Variants in ASIC4 observed in about 807,000 individuals in gnomAD.
ASIC4 encodes acid-sensing ion channel 4.
Under a neutral mutation model 53.4 loss-of-function variants are expected in ASIC4, and 28 were observed. The ratio of observed to expected loss-of-function variants is 0.52; its 90% CI spans 0.39 to 0.72. ASIC4 has a LOEUF of 0.72. ASIC4 is among the 30% of genes least tolerant of loss of function. ASIC4 has a pLI of 0.00. For missense variants in ASIC4, 649 were observed against 729.7 expected (o/e 0.89, Z 1.27); for synonymous variants, 289 against 301.4 (o/e 0.96, Z 0.43).
At chr2:219,523,658 C>A (rs1353393786) in intron 1 of ASIC4, among the ~76,000 whole-genome samples, 3 of 152,182 alleles carry the variant, frequency 2.0e-5, no homozygotes, top group Non-Finnish European at 4.4e-5. Flanking sequence ...TTTCCTGACC[C>A]TGCAAGCCAA....
Position 219,537,214 on chromosome 2 carries a change from CCTCT to C in ASIC4, c.1322-27_1322-24del, listed in dbSNP as rs1695154234. The C allele has an allele frequency of 1.2e-6, 2 of 1,611,452 alleles. No individual in the cohort carries two copies. The highest frequency in any genetic ancestry group is 1.7e-4 in the Middle Eastern group (1 of 6,058). On this transcript the variant is annotated intron_variant, in intron 7 of 9. Coordinates refer to ENST00000358078, the MANE Select transcript of ASIC4 (RefSeq NM_018674.6). The surrounding 1 kb of genome is among the most constrained non-coding windows in gnomAD (Gnocchi z 4.9). The stretch of plus-strand genomic sequence containing the variant: ...TGGGGGTGGATCGGCCCGGCCGCTC[CCTCT>C]GACACTGCTCTCCTGCTTCCCAGGA...
In ASIC4 at chr2:219,532,372, C is replaced by G. The variant is rs148895186; in HGVS notation, c.913C>G (p.Pro305Ala). ...CCGCGCAGAGAGTGAGCTCAGGGAG[C>G]CTGAGCTTCAGGGCTACTCGGCCTA... Reference protein sequence around the residue: ...NCRAESELREPELQGYSAYSV... With the variant: ...NCRAESELREAELQGYSAYSV... Residue 305 changes from proline to alanine, a missense_variant, in exon 4 of 10, where the codon CCT (proline) becomes GCT (alanine). By Grantham distance (27) the Pro-to-Ala change is conservative. Transcript: ENST00000358078. The G allele has an allele frequency of 2.7e-5, 44 of 1,613,912 alleles. No individual in the cohort carries two copies. Among genetic ancestry groups the G allele is most frequent in the Non-Finnish European group, 3.6e-5 (42 of 1,179,924 alleles).
chr2:219,514,312 A>T (rs1237948874), upstream of ASIC4: 7 of 1,511,466 alleles, frequency 4.6e-6, no homozygotes, highest in South Asian at 9.0e-5. Context: ...ACATGTCCTG[A>T]ATTATTAAGC....
rs369347834 is a variant in ASIC4, at chr2:219,537,025, AAG to A, written c.1230-36_1230-35del. ...GGATGCCCCTGCCAGCCTTCTCAGG[AAG>A]AGAGGCCCACACGGATACCCTGCTT... On this transcript the variant is annotated intron_variant, in intron 6 of 9. Transcript: ENST00000358078. This position sits in a 1 kb window ranked among gnomAD's most constrained non-coding sequence, Gnocchi z 4.9. The A allele has an allele frequency of 6.3e-7, 1 of 1,580,146 alleles. No homozygotes were observed.
chr2:219,515,010 C>A lies in ASIC4; in HGVS notation c.286C>A (p.Pro96Thr), dbSNP rs1396892882. Residue 96 changes from proline to threonine, a missense_variant, in exon 1 of 10, where the codon CCT (proline) becomes ACT (threonine). Coordinates refer to ENST00000358078, the MANE Select transcript of ASIC4 (RefSeq NM_018674.6). ...CCTGGCCCGGGGCTACCTGACCCGGCCTCACCTGGTGGCAATGGACCCCGC... is the reference window on the plus strand; with the variant it reads ...CCTGGCCCGGGGCTACCTGACCCGGACTCACCTGGTGGCAATGGACCCCGC... ...AGLARGYLTR[P>T]HLVAMDPAAP... is the part of the protein sequence containing the mutation. The A allele has an allele frequency of 6.2e-7, 1 of 1,613,328 alleles. No homozygotes were observed. The highest frequency in any genetic ancestry group is 8.5e-7 in the Non-Finnish European group (1 of 1,179,872).
chr2:219,532,086 GTCCC>G lies in ASIC4; in HGVS notation c.814_817del (p.Ser272GlnfsTer14). 1 of 1,614,234 alleles carries G rather than the reference GTCCC, an allele frequency of 6.2e-7. No homozygotes were observed. The highest frequency in any genetic ancestry group is 8.5e-7 in the Non-Finnish European group (1 of 1,180,042). ...ACATCCACCAGCTGGGGTTCGGGGT[GTCCC>G]CAGGCTTCCAGACCTTTGTGTCCTG... On this transcript the variant is annotated frameshift_variant, in exon 3 of 10. Transcript: ENST00000358078. LOFTEE classifies it high-confidence loss of function.
chr2:219,511,542 A>G (rs1694701741), upstream of ASIC4, among the ~76,000 whole-genome samples: 1 of 152,150 alleles, frequency 6.6e-6, no homozygotes, highest in Admixed American at 6.5e-5. The surrounding 1 kb of genome is among the most constrained non-coding windows in gnomAD (Gnocchi z 5.3). Flanking sequence ...CAGAGAGCAA[A>G]GGAACCTGGG....
chr2:219,529,379 A>G (rs886094870), intron 1 of ASIC4, among the ~76,000 whole-genome samples: 1 of 152,148 alleles, frequency 6.6e-6, no homozygotes, highest in South Asian at 2.1e-4. Context: ...TGTTGAGGGA[A>G]GGAGAGGACT....
At chr2:219,511,717 T>G (rs1575231709), upstream of ASIC4, among the ~76,000 whole-genome samples, 2 of 88,480 alleles carry the variant, frequency 2.3e-5, no homozygotes, top group South Asian at 4.6e-4. This position sits in a 1 kb window ranked among gnomAD's most constrained non-coding sequence, Gnocchi z 5.3. Flanking sequence ...CGGGAGTGGG[T>G]GGGGGAAGCA....
chr2:219,508,422 G>A, the ASIC4 span, among the ~76,000 whole-genome samples: 1 of 152,150 alleles, frequency 6.6e-6, no homozygotes, highest in Non-Finnish European at 1.5e-5. Flanking sequence ...GGGACATGGT[G>A]GGGAGAGGCA....
At chr2:219,525,336 T>C (rs571253911) in intron 1 of ASIC4, among the ~76,000 whole-genome samples, 5 of 152,368 alleles carry the variant, frequency 3.3e-5, no homozygotes, top group South Asian at 4.1e-4. Flanking sequence ...TTTCTGTCTC[T>C]ACTTGACACA....
Position 219,523,861 on chromosome 2 carries a change from C to A in ASIC4, c.583-7897C>A, listed in dbSNP as rs138792728. Among the ~76,000 whole-genome samples the A allele has an allele frequency of 6.9e-3, 1,046 of 151,800 alleles. 8 individuals carry two copies. Among genetic ancestry groups the A allele is most frequent in the African/African-American group, 0.024 (994 of 41,354 alleles). On this transcript the variant is annotated intron_variant, in intron 1 of 9. Transcript: ENST00000358078. Reference sequence around the variant, plus strand: ...TTTGAGACAGGGTCACGCTCTGTTGCCCAGGCTGGAGTGCAGTGGTGCCAT... The same window carrying A: ...TTTGAGACAGGGTCACGCTCTGTTGACCAGGCTGGAGTGCAGTGGTGCCAT...
intron 1 of ASIC4, among the ~76,000 whole-genome samples, chr2:219,529,947 C>T (rs551586808): frequency 6.6e-6 from 1 of 151,942 alleles, no homozygotes; most frequent in Non-Finnish European, 1.5e-5. Flanking sequence ...TTCACCCTGC[C>T]CCCTAGGAGG....
chr2:219,538,248 G>A lies in ASIC4; in HGVS notation c.*202G>A, dbSNP rs893117121. 1.7e-6 allele frequency: 1 copy of A among 589,768 alleles called. No homozygotes were observed. Among genetic ancestry groups the A allele is most frequent in the South Asian group, 2.0e-5 (1 of 49,710 alleles). 36.5% of individuals were successfully genotyped at this position (589,768 alleles called of 1,614,324 possible). On this transcript the variant is annotated 3_prime_UTR_variant, in exon 10 of 10. Coordinates refer to ENST00000358078, the MANE Select transcript of ASIC4 (RefSeq NM_018674.6). Reference sequence around the variant, plus strand: ...GTCCACACCCCTTATCCCCAGGCTGGTGCCCCGGGAGGGCTGGAGACCAGG... The same window carrying A: ...GTCCACACCCCTTATCCCCAGGCTGATGCCCCGGGAGGGCTGGAGACCAGG...
intron 1 of ASIC4, among the ~76,000 whole-genome samples, chr2:219,524,316 A>G (rs1241406727): frequency 6.6e-6 from 1 of 152,204 alleles, no homozygotes; most frequent in Non-Finnish European, 1.5e-5. Flanking sequence ...TTGAGCGCCT[A>G]CTATTTGTAG....
chr2:219,519,020 T>A (rs1349540683), intron 1 of ASIC4, among the ~76,000 whole-genome samples: 2 of 152,180 alleles, frequency 1.3e-5, no homozygotes, highest in African/African-American at 2.4e-5. Context: ...TTCTCTTGCC[T>A]CAGCCTCCTG....
At position 219,532,428 on chromosome 2, in the gene ASIC4, A is replaced by C. The variant is rs1371738495; in HGVS notation, c.969A>C (p.Glu323Asp). 6.2e-7 allele frequency: 1 copy of C among 1,613,886 alleles called. No homozygotes were observed. The highest frequency in any genetic ancestry group is 8.5e-7 in the Non-Finnish European group (1 of 1,179,860). Residue 323 changes from glutamate to aspartate, a missense_variant, in exon 4 of 10, where the codon GAA becomes GAC. Glu to Asp is a conservative substitution (Grantham distance 45, BLOSUM62 2). Coordinates refer to ENST00000358078, the MANE Select transcript of ASIC4 (RefSeq NM_018674.6). The part of the protein sequence containing the change: ...YSVSACRLRC[E>D]KEAVLQRCHC... The stretch of plus-strand genomic sequence containing the variant: ...TGTCTGCCTGCCGGCTGCGCTGTGA[A>C]AAGGAGGCCGTGCTTCAGCGCTGCC...
chr2:219,531,931 A>C (rs1559119062), intron 2 of ASIC4, 29 bp downstream of exon 2: 1 of 1,611,830 alleles, frequency 6.2e-7, no homozygotes. Context: ...GACAAGGGCC[A>C]CCTTGGGGAC....
chr2:219,537,828 C>T lies in ASIC4; in HGVS notation c.1506+92C>T. On this transcript the variant is annotated intron_variant, in intron 9 of 9. Coordinates refer to ENST00000358078, the MANE Select transcript of ASIC4 (RefSeq NM_018674.6). This position sits in a 1 kb window ranked among gnomAD's most constrained non-coding sequence, Gnocchi z 4.9. ...TTTCTGAACCAGCCTGTGGAGGGGGCCCTGGAGCCTCTGCCCGAGGTGACA... is the reference window on the plus strand; with the variant it reads ...TTTCTGAACCAGCCTGTGGAGGGGGTCCTGGAGCCTCTGCCCGAGGTGACA... 1 of 1,502,902 alleles carries T rather than the reference C, an allele frequency of 6.7e-7. No homozygotes were observed. Among genetic ancestry groups the T allele is most frequent in the Admixed American group, 1.9e-5 (1 of 51,540 alleles). The allele number at this position is 1,502,902 out of a possible 1,614,324, so 93.1% of individuals were successfully genotyped here.
Sources: allele counts gnomAD v4.1 joint callset (sites outside exome capture counted in the v4.1 genomes callset), GRCh38; gene constraint gnomAD v4.1.1; non-coding constraint Gnocchi (gnomAD v3.1); transcripts MANE v1.5; gene names NCBI Gene and HGNC (gene_info 2026-07-23, HGNC 2026-07-21).